NFIC: variants seen among roughly 807,000 people sequenced by gnomAD.
NFIC encodes nuclear factor 1 C-type.
A neutral mutation model predicts 54.4 loss-of-function variants in NFIC; 12 were observed. The observed-to-expected ratio is 0.22, with a 90% confidence interval of 0.14 to 0.36. The LOEUF (loss-of-function observed/expected upper bound fraction) is 0.36, where lower values mean the gene tolerates loss of function less well. NFIC is among the 10% of genes least tolerant of loss of function. The probability of loss-of-function intolerance (pLI) is 1.00; values close to 1 mark genes in which losing one functional copy is unlikely to be tolerated. For synonymous variants in NFIC, 322 were observed against 319.2 expected (o/e 1.01, Z -0.09); for missense variants, 575 against 718.2 (o/e 0.80, Z 2.28).
intron 1 of NFIC, among the ~76,000 whole-genome samples, chr19:3,374,011 C>T (rs1001606799): frequency 1.3e-4 from 20 of 152,106 alleles, no homozygotes; most frequent in Middle Eastern, 3.2e-3. Flanking sequence ...TCATCCGACC[C>T]GGAGAAGAAG....
intron 10 of NFIC, chr19:3,456,898 G>A (rs1244212412): frequency 1.5e-5 from 8 of 534,822 alleles, no homozygotes; most frequent in East Asian, 3.3e-5. Flanking sequence ...GGAGACCATC[G>A]TGGTACAGCT....
At chr19:3,374,305 C>T (rs2081069546) in intron 1 of NFIC, among the ~76,000 whole-genome samples, 1 of 152,106 alleles carries the variant, frequency 6.6e-6, no homozygotes. Flanking sequence ...CAGGAAGTCC[C>T]AGTGGGCTAA....
rs2082596720 is a variant in NFIC, at chr19:3,458,724, G to A, written c.1509+2089G>A. 6.6e-6 allele frequency among the ~76,000 whole-genome samples: 1 copy of A among 152,066 alleles called. No homozygotes were observed. The highest frequency in any genetic ancestry group is 1.5e-5 in the Non-Finnish European group (1 of 67,996). On this transcript the variant is annotated intron_variant, in intron 10 of 10. Transcript: ENST00000443272. The surrounding 1 kb of genome is among the most constrained non-coding windows in gnomAD (Gnocchi z 4.1). ...AATGTGAGAGATCTCCGGTGGCAGGGGCCAGACAGATGATGCGGGCTTTGC... is the reference window on the plus strand; with the variant it reads ...AATGTGAGAGATCTCCGGTGGCAGGAGCCAGACAGATGATGCGGGCTTTGC...
intron 4 of NFIC, 23 bp from the exon 5 acceptor site, chr19:3,434,254 C>G: frequency 6.3e-7 from 1 of 1,599,458 alleles, no homozygotes; most frequent in Non-Finnish European, 8.5e-7. Flanking sequence ...TCCTGCCTCA[C>G]TCTCCTCTGT....
At chr19:3,396,498 G>A (rs2081466359) in intron 2 of NFIC, among the ~76,000 whole-genome samples, 1 of 150,774 alleles carries the variant, frequency 6.6e-6, no homozygotes, top group African/African-American at 2.4e-5. Flanking sequence ...AAAAGTGTGT[G>A]TTTCCAAGAG....
chr19:3,417,408 G>A (rs143510402), intron 2 of NFIC, among the ~76,000 whole-genome samples: 1 of 152,238 alleles, frequency 6.6e-6, no homozygotes, highest in Non-Finnish European at 1.5e-5. Context: ...GATTTAATCA[G>A]ATGGGGTCAG....
rs1264698645 is a variant in NFIC at position 3,416,789 on chromosome 19, C to G, written c.563-8317C>G. ...TCCACCGCCTCGGCCTCCCAAAGCA[C>G]TGGGATTACAGGCGTGAGCCACCGT... On this transcript the variant is annotated intron_variant, in intron 2 of 10. Coordinates refer to ENST00000443272, the MANE Select transcript of NFIC (RefSeq NM_001245002.2). Among the ~76,000 whole-genome samples the G allele has an allele frequency of 4.6e-5, 7 of 151,848 alleles. No individual in the cohort carries two copies. In the East Asian group the frequency reaches 1.2e-3, roughly 25 times the overall value.
chr19:3,436,770 C>T (rs571104155), intron 6 of NFIC, among the ~76,000 whole-genome samples: 6 of 152,042 alleles, frequency 3.9e-5, no homozygotes, highest in Non-Finnish European at 5.9e-5. Context: ...CCACTGCTCC[C>T]GGCCACCTGT....
At chr19:3,361,957 C>T (rs540812305), upstream of NFIC, among the ~76,000 whole-genome samples, 17 of 152,318 alleles carry the variant, frequency 1.1e-4, no homozygotes. Flanking sequence ...TAGAGACAGA[C>T]GTCACACACA....
intron 1 of NFIC, chr19:3,359,698 A>G: frequency 7.0e-7 from 1 of 1,421,810 alleles, no homozygotes; most frequent in South Asian, 1.4e-5. Flanking sequence ...ACGTCGCCGC[A>G]CCCACTTTCG....
chr19:3,446,876 A>G (rs1482440784), intron 6 of NFIC, among the ~76,000 whole-genome samples: 1 of 151,902 alleles, frequency 6.6e-6, no homozygotes, highest in South Asian at 2.1e-4. Flanking sequence ...TAAAAAAAAA[A>G]TTGCCTGGAC....
rs549339854 is a variant in NFIC, at chr19:3,460,079, C to T, written c.1510-2673C>T. On this transcript the variant is annotated intron_variant, in intron 10 of 10. Coordinates refer to ENST00000443272, the MANE Select transcript of NFIC (RefSeq NM_001245002.2). The stretch of plus-strand genomic sequence containing the variant: ...TGAGGCCGGAGCTGTCCCCAAATGA[C>T]GTGACCTTGGGTACAGCCCCATGCA... Among the ~76,000 whole-genome samples the T allele has an allele frequency of 5.3e-5, 8 of 152,330 alleles. No individual in the cohort carries two copies. The East Asian group carries it at 9.6e-4, about 18-fold the overall frequency.
chr19:3,393,203 G>A (rs1293186882), intron 2 of NFIC, among the ~76,000 whole-genome samples: 4 of 152,246 alleles, frequency 2.6e-5, no homozygotes, highest in East Asian at 1.9e-4. Flanking sequence ...GGGATTACAG[G>A]TGTGAGCCAC....
At chr19:3,448,008 G>A (rs924631563) in intron 6 of NFIC, among the ~76,000 whole-genome samples, 1 of 152,230 alleles carries the variant, frequency 6.6e-6, no homozygotes, top group Non-Finnish European at 1.5e-5. Context: ...GGGTTCAAGC[G>A]ATTCTCCTGC....
intron 6 of NFIC, among the ~76,000 whole-genome samples, chr19:3,441,263 A>G (rs749049697): frequency 1.3e-5 from 2 of 152,250 alleles, no homozygotes; most frequent in Non-Finnish European, 2.9e-5. Context: ...GCGGGTGCAC[A>G]GGGACACGGA....
intron 6 of NFIC, among the ~76,000 whole-genome samples, chr19:3,436,953 T>G (rs1358800536): frequency 6.6e-6 from 1 of 152,034 alleles, no homozygotes; most frequent in African/African-American, 2.4e-5. Flanking sequence ...ATGGGGGTGA[T>G]GTGAATAATG....
At position 3,461,322 on chromosome 19, in the gene NFIC, C is replaced by T. The variant is rs938344540; in HGVS notation, c.1510-1430C>T. Among the ~76,000 whole-genome samples the T allele has an allele frequency of 3.3e-5, 5 of 151,790 alleles. 1 individual carries two copies. Among genetic ancestry groups the T allele is most frequent in the Admixed American group, 6.6e-5 (1 of 15,232 alleles). The stretch of plus-strand genomic sequence containing the variant: ...CCTGTGGTCCCAGCTACTCGGGAGG[C>T]TGAGGTGGGAGGATCACTTGAGCCC... On this transcript the variant is annotated intron_variant, in intron 10 of 10. Transcript: ENST00000443272.
At chr19:3,428,631 G>A (rs1023630473) in intron 3 of NFIC, among the ~76,000 whole-genome samples, 26 of 152,056 alleles carry the variant, frequency 1.7e-4, no homozygotes, top group African/African-American at 5.1e-4. Flanking sequence ...GGTCCTCCGC[G>A]GCCTCCTGTG....
At chr19:3,435,059 C>A in intron 5 of NFIC, 24 bp from the exon 6 acceptor site, 1 of 1,563,636 alleles carries the variant, frequency 6.4e-7, no homozygotes, top group Non-Finnish European at 8.7e-7. Flanking sequence ...GGTAACCAGC[C>A]TCTCCCCTTC....
Sources: allele counts gnomAD v4.1 joint callset (sites outside exome capture counted in the v4.1 genomes callset), GRCh38; gene constraint gnomAD v4.1.1; non-coding constraint Gnocchi (gnomAD v3.1); transcripts MANE v1.5; gene names NCBI Gene and HGNC (gene_info 2026-07-23, HGNC 2026-07-21).